The following HSD17B4 variants were observed in gnomAD, a reference collection of about 807,000 sequenced individuals.
The protein encoded by HSD17B4 is peroxisomal multifunctional enzyme type 2.
Under a neutral mutation model 101.0 loss-of-function variants are expected in HSD17B4, and 70 were observed. The observed-to-expected ratio is 0.69, with a 90% CI of 0.57 to 0.85. The LOEUF is 0.85. HSD17B4 is among the 40% of genes least tolerant of loss of function. The pLI is 0.00. For synonymous variants in HSD17B4, 347 were observed against 297.1 expected (o/e 1.17, Z -1.73); for missense variants, 984 against 892.4 (o/e 1.10, Z -1.31).
chr5:119,465,014 T>G (rs1381748069), intron 2 of HSD17B4, among the ~76,000 whole-genome samples: 1 of 152,064 alleles, frequency 6.6e-6, no homozygotes, highest in Non-Finnish European at 1.5e-5. Flanking sequence ...ATGTGAATTT[T>G]AGGATTTTTT....
At position 119,525,302 on chromosome 5, in the gene HSD17B4, A is replaced by G. The variant is rs749665565; in HGVS notation, c.1573+17A>G. Reference sequence around the variant, plus strand: ...GTCTAGCAGGTGAGTTGTCTTTAATATGTATCAATGAAAAATATTAGCTAT... The same window carrying G: ...GTCTAGCAGGTGAGTTGTCTTTAATGTGTATCAATGAAAAATATTAGCTAT... On this transcript the variant is annotated intron_variant, in intron 18 of 23. Coordinates refer to ENST00000510025, the MANE Select transcript of HSD17B4 (RefSeq NM_000414.4). 6 of 1,475,770 alleles carry G rather than the reference A, an allele frequency of 4.1e-6. No individual in the cohort carries two copies. The East Asian group carries it at 1.1e-4, about 28-fold the overall frequency. The allele number at this position is 1,475,770 out of a possible 1,614,324, so 91.4% of individuals were successfully genotyped here.
intron 11 of HSD17B4, chr5:119,495,958 A>T (rs1401004383): frequency 3.8e-5 from 6 of 157,444 alleles, no homozygotes; most frequent in African/African-American, 1.4e-4. Context: ...TCTTATGGAG[A>T]TGTGGATGCC....
At chr5:119,489,118 C>A (rs1580592831) in intron 8 of HSD17B4, 74 bp from the exon 9 acceptor site, 1 of 992,672 alleles carries the variant, frequency 1.0e-6, no homozygotes, top group South Asian at 1.3e-5. Flanking sequence ...CTCTGAATTA[C>A]CTATAATTTT....
chr5:119,515,945 G>A (rs1448017767), intron 17 of HSD17B4, among the ~76,000 whole-genome samples: 1 of 152,110 alleles, frequency 6.6e-6, no homozygotes, highest in Non-Finnish European at 1.5e-5. Flanking sequence ...TAAATAATAT[G>A]CACAACAAAC....
chr5:119,485,401 T>G (rs1299668523), intron 8 of HSD17B4, among the ~76,000 whole-genome samples: 1 of 152,182 alleles, frequency 6.6e-6, no homozygotes, highest in East Asian at 1.9e-4. Context: ...GAAAATAAAG[T>G]CTACTTTAGA....
intron 2 of HSD17B4, among the ~76,000 whole-genome samples, chr5:119,462,670 G>A (rs1230330656): frequency 6.6e-6 from 1 of 151,974 alleles, no homozygotes; most frequent in Non-Finnish European, 1.5e-5. Context: ...TATTTTTAAT[G>A]TTCTTTCTAT....
chr5:119,499,586 T>C (rs1313638244), intron 13 of HSD17B4, 33 bp downstream of exon 13: 2 of 1,219,834 alleles, frequency 1.6e-6, no homozygotes, highest in Non-Finnish European at 2.4e-6. Flanking sequence ...ATTTTGCTTT[T>C]CTATTTCTGT....
intron 22 of HSD17B4, among the ~76,000 whole-genome samples, chr5:119,532,891 G>A (rs1174406580): frequency 1.3e-5 from 2 of 152,066 alleles, no homozygotes; most frequent in Non-Finnish European, 2.9e-5. Flanking sequence ...TTCACTGGTG[G>A]TGAAGTGTGA....
intron 2 of HSD17B4, among the ~76,000 whole-genome samples, chr5:119,459,304 G>A (rs990385111): frequency 1.3e-5 from 2 of 152,156 alleles, no homozygotes; most frequent in African/African-American, 4.8e-5. Context: ...TATGGTGAGG[G>A]TAAATGACAA....
At chr5:119,533,195 G>C (rs1477134789) in intron 22 of HSD17B4, among the ~76,000 whole-genome samples, 5 of 151,876 alleles carry the variant, frequency 3.3e-5, no homozygotes, top group Non-Finnish European at 7.4e-5. Flanking sequence ...TGCTTTCAGA[G>C]AATGGGAGGA....
rs550564927 is a variant in HSD17B4 at position 119,473,889 on chromosome 5, G to A, written c.113-19G>A. ...AGTCTAGAATAATTAATTGTTGTTT[G>A]CTTGTTTTTGCATTACAGTGAATGA... On this transcript the variant is annotated intron_variant, in intron 2 of 23. Transcript: ENST00000510025. 2.8e-5 allele frequency: 38 copies of A among 1,346,686 alleles called. No homozygotes were observed. The African/African-American group carries it at 4.7e-4, about 17-fold the overall frequency. 83.4% of individuals were successfully genotyped at this position (1,346,686 alleles called of 1,614,324 possible). A position where few individuals can be genotyped will look rare whatever the true frequency, so the allele number is the denominator to read the frequency against.
At position 119,525,924 on chromosome 5, in the gene HSD17B4, C is replaced by G. The variant is rs1255189279; in HGVS notation, c.1581C>G (p.Asp527Glu). Residue 527 changes from aspartate (D) to glutamate (E), a missense_variant, in exon 19 of 24, where the codon GAC becomes GAG. Transcript: ENST00000510025. ...TGTTCTCTCTTTTCCTAGGTTTTGACAAGCCCATATTACATGGATTATGTA... is the reference window on the plus strand; with the variant it reads ...TGTTCTCTCTTTTCCTAGGTTTTGAGAAGCCCATATTACATGGATTATGTA... ...DPNFASLAGF[D>E]KPILHGLCTF... 3 of 1,598,694 alleles carry G rather than the reference C, an allele frequency of 1.9e-6. No individual in the cohort carries two copies. Among genetic ancestry groups the G allele is most frequent in the Non-Finnish European group, 1.7e-6 (2 of 1,166,236 alleles).
intron 2 of HSD17B4, among the ~76,000 whole-genome samples, chr5:119,470,140 G>A (rs527813301): frequency 2.0e-5 from 3 of 152,230 alleles, no homozygotes; most frequent in South Asian, 2.1e-4. Context: ...TGGGGAATGC[G>A]TATGTCAGCC....
At chr5:119,477,709 T>C in intron 7 of HSD17B4, 1 of 552,124 alleles carries the variant, frequency 1.8e-6, no homozygotes, top group South Asian at 2.3e-5. Context: ...TTTATATTTA[T>C]TTTTTACCTC....
At chr5:119,518,099 G>A (rs1437661855) in intron 17 of HSD17B4, among the ~76,000 whole-genome samples, 2 of 152,090 alleles carry the variant, frequency 1.3e-5, no homozygotes, top group East Asian at 3.9e-4. Flanking sequence ...GTGGCAACCC[G>A]CTCCGGTCCC....
chr5:119,508,994 A>G (rs539890033), intron 15 of HSD17B4, 147 bp from the exon 16 acceptor site: 54 of 633,954 alleles, frequency 8.5e-5, no homozygotes, highest in South Asian at 1.9e-4. Flanking sequence ...TTGTAATCCA[A>G]ACTTGGACAC....
intron 16 of HSD17B4, among the ~76,000 whole-genome samples, chr5:119,514,377 A>G (rs1015099839): frequency 6.6e-6 from 1 of 152,232 alleles, no homozygotes; most frequent in African/African-American, 2.4e-5. Flanking sequence ...TTTTGCCTCT[A>G]TTATAAATGA....
intron 2 of HSD17B4, among the ~76,000 whole-genome samples, chr5:119,461,752 G>T (rs1056591225): frequency 2.6e-5 from 4 of 151,678 alleles, no homozygotes; most frequent in African/African-American, 9.7e-5. Flanking sequence ...ACGTGTGGTG[G>T]TGCATGCCTG....
At chr5:119,457,676 A>T (rs1000519596) in intron 2 of HSD17B4, among the ~76,000 whole-genome samples, 1 of 151,888 alleles carries the variant, frequency 6.6e-6, no homozygotes, top group African/African-American at 2.4e-5. Flanking sequence ...CTTCCTTTTT[A>T]TGTTGCTATT....
Sources: allele counts gnomAD v4.1 joint callset (sites outside exome capture counted in the v4.1 genomes callset), GRCh38; gene constraint gnomAD v4.1.1; transcripts MANE v1.5; gene names NCBI Gene and HGNC (gene_info 2026-07-23, HGNC 2026-07-21).